MTUS2: variants seen among roughly 807,000 people sequenced by gnomAD.
MTUS2 encodes microtubule associated scaffold protein 2.
MTUS2 carries 40 observed loss-of-function variants against 114.1 expected under a neutral mutation model. That is an observed-to-expected ratio of 0.35 (90% CI 0.27 to 0.46). MTUS2 has a LOEUF of 0.46. MTUS2 is among the 20% of genes least tolerant of loss of function. MTUS2 has a pLI of 1.00. For synonymous variants in MTUS2, 688 were observed against 672.0 expected, an observed-to-expected ratio of 1.02 and a Z score of -0.37; for missense variants, 1,679 against 1,705.4, an observed-to-expected ratio of 0.98 and a Z score of 0.27.
intron 2 of MTUS2, among the ~76,000 whole-genome samples, chr13:29,013,351 C>G (rs573538747): frequency 1.3e-5 from 2 of 151,876 alleles, no homozygotes; most frequent in East Asian, 3.9e-4. Flanking sequence ...GTGGTCAAAG[C>G]CAGTGTTCTT....
intron 7 of MTUS2, among the ~76,000 whole-genome samples, chr13:29,348,086 T>G (rs888267965): frequency 6.6e-6 from 1 of 152,028 alleles, no homozygotes; most frequent in African/African-American, 2.4e-5. Context: ...CTTCATCACA[T>G]AGACATGACT....
chr13:29,197,829 CAT>C (rs1421322506), intron 5 of MTUS2, among the ~76,000 whole-genome samples: 6 of 152,126 alleles, frequency 3.9e-5, no homozygotes, highest in African/African-American at 1.4e-4. Context: ...AGCGTTTTTT[CAT>C]ATGTTTGTTG....
In MTUS2 at chr13:28,887,273, T is replaced by C. The variant is rs567925607; in HGVS notation, c.-243+47423T>C. Among the ~76,000 whole-genome samples, 9 of 152,328 alleles carry C rather than the reference T, an allele frequency of 5.9e-5. 1 individual carries two copies. The South Asian group carries it at 8.3e-4, about 14-fold the overall frequency. ...TTGGTGTATAATCATGCTTATTCTC[T>C]GGGCAGCTTTGACATGGCTGACTGC... On this transcript the variant is annotated intron_variant, in intron 2 of 15. Coordinates refer to ENST00000612955, the MANE Select transcript of MTUS2 (RefSeq NM_001033602.4).
At chr13:29,474,392 AT>A (rs993115486) in intron 9 of MTUS2, among the ~76,000 whole-genome samples, 3 of 152,220 alleles carry the variant, frequency 2.0e-5, no homozygotes, top group African/African-American at 7.2e-5. Context: ...CTTCTCTTTA[AT>A]TATGACAATA....
At chr13:29,242,182 T>C (rs1896757470) in intron 5 of MTUS2, among the ~76,000 whole-genome samples, 1 of 152,216 alleles carries the variant, frequency 6.6e-6, no homozygotes, top group South Asian at 2.1e-4. Context: ...ACCATAACCA[T>C]ATCTAGTTTA....
intron 5 of MTUS2, among the ~76,000 whole-genome samples, chr13:29,104,351 A>G (rs548169648): frequency 1.3e-4 from 20 of 152,138 alleles, no homozygotes; most frequent in African/African-American, 4.3e-4. Context: ...TTTCTACTCT[A>G]TTTCCTTCTT....
chr13:28,847,181 T>C (rs1875944344), intron 2 of MTUS2, among the ~76,000 whole-genome samples: 3 of 152,206 alleles, frequency 2.0e-5, no homozygotes, highest in Admixed American at 1.3e-4. Context: ...AAGGTAATTA[T>C]TTTTGACAAA....
At chr13:29,398,778 A>C (rs1874108404) in intron 8 of MTUS2, among the ~76,000 whole-genome samples, 1 of 152,178 alleles carries the variant, frequency 6.6e-6, no homozygotes, top group East Asian at 1.9e-4. Flanking sequence ...CACAACCCAC[A>C]CATAAACAGC....
intron 2 of MTUS2, among the ~76,000 whole-genome samples, chr13:28,926,635 A>G (rs924258786): frequency 6.6e-6 from 1 of 152,134 alleles, no homozygotes; most frequent in Non-Finnish European, 1.5e-5. Flanking sequence ...TCTTTTTCAA[A>G]CTTATTTATT....
chr13:29,019,531 A>G (rs2138454150), intron 2 of MTUS2, among the ~76,000 whole-genome samples: 1 of 152,348 alleles, frequency 6.6e-6, no homozygotes, highest in African/African-American at 2.4e-5. Flanking sequence ...GAGACCAGCA[A>G]GGTGATGTTT....
At chr13:29,402,640 G>T (rs1009933403) in intron 8 of MTUS2, among the ~76,000 whole-genome samples, 1 of 152,174 alleles carries the variant, frequency 6.6e-6, no homozygotes, top group Non-Finnish European at 1.5e-5. Flanking sequence ...ATATTATTAA[G>T]TTGCCAGAGC....
intron 5 of MTUS2, among the ~76,000 whole-genome samples, chr13:29,225,623 A>G (rs2139339306): frequency 6.6e-6 from 1 of 152,378 alleles, no homozygotes; most frequent in South Asian, 2.1e-4. Context: ...GGATTTAAAT[A>G]GCTGAAATGA....
At chr13:29,450,144 C>T (rs1180072106) in intron 9 of MTUS2, among the ~76,000 whole-genome samples, 1 of 152,252 alleles carries the variant, frequency 6.6e-6, no homozygotes, top group East Asian at 1.9e-4. Context: ...GGTCTGCTCT[C>T]TCTGGGGGGA....
chr13:29,253,903 T>C (rs1566092869), intron 5 of MTUS2, among the ~76,000 whole-genome samples: 1 of 152,104 alleles, frequency 6.6e-6, no homozygotes, highest in Non-Finnish European at 1.5e-5. Context: ...ATATTCACTA[T>C]CACGAGAACA....
chr13:28,902,338 G>A (rs1879695145), intron 2 of MTUS2, among the ~76,000 whole-genome samples: 1 of 152,062 alleles, frequency 6.6e-6, no homozygotes, highest in Admixed American at 6.6e-5. Flanking sequence ...TTGCTGGCTA[G>A]AATTTCTAGT....
In MTUS2 at chr13:28,861,949, A is replaced by G. The variant is rs147925704; in HGVS notation, c.-243+22099A>G. 4.6e-3 allele frequency among the ~76,000 whole-genome samples: 698 copies of G among 152,174 alleles called. 5 individuals carry two copies. Among genetic ancestry groups the G allele is most frequent in the African/African-American group, 0.016 (667 of 41,514 alleles). On this transcript the variant is annotated intron_variant, in intron 2 of 15. Coordinates refer to ENST00000612955, the MANE Select transcript of MTUS2 (RefSeq NM_001033602.4). ...TTTTTGCTGCAATCTTCTACCCCATATATACCCAACTCCCAAAAATGTGTG... is the reference window on the plus strand; with the variant it reads ...TTTTTGCTGCAATCTTCTACCCCATGTATACCCAACTCCCAAAAATGTGTG...
Position 28,873,489 on chromosome 13 carries a change from A to G in MTUS2, c.-243+33639A>G, listed in dbSNP as rs549338861. ...CACAACATTGAATAGGGCAGTTACC[A>G]TAACATGAATATTTGTGAACTGACA... On this transcript the variant is annotated intron_variant, in intron 2 of 15. Transcript: ENST00000612955. 5.3e-5 allele frequency among the ~76,000 whole-genome samples: 8 copies of G among 152,380 alleles called. No homozygotes were observed. In the South Asian group the frequency reaches 1.2e-3, roughly 24 times the overall value.
chr13:29,062,617 C>A (rs1199488023), intron 4 of MTUS2, among the ~76,000 whole-genome samples: 2 of 151,174 alleles, frequency 1.3e-5, no homozygotes, highest in Non-Finnish European at 3.0e-5. Context: ...TTTTTCAGTT[C>A]TCAGATAGGA....
intron 3 of MTUS2, among the ~76,000 whole-genome samples, chr13:29,027,701 G>C (rs77851361): frequency 0.062 from 9,415 of 152,180 alleles, 355 homozygotes; most frequent in African/African-American, 0.088. Context: ...ACAGGCGCCC[G>C]CCACCGCGCC....
Sources: gnomAD v4.1 joint callset for allele counts (sites outside exome capture counted in the v4.1 genomes callset) on GRCh38, gnomAD v4.1.1 for gene constraint, MANE v1.5 for transcripts, NCBI Gene and HGNC (gene_info 2026-07-23, HGNC 2026-07-21) for gene names.